GAS2: variants seen among roughly 807,000 people sequenced by gnomAD.
GAS2 encodes the protein growth arrest-specific protein 2.
In GAS2, 20 loss-of-function variants were observed where a neutral mutation model predicts 37.5. The observed-to-expected ratio is 0.53, with a 90% CI of 0.37 to 0.77. The LOEUF (loss-of-function observed/expected upper bound fraction) is 0.77, where lower values mean the gene tolerates loss of function less well. GAS2 is among the 30% of genes least tolerant of loss of function. The pLI is 0.00. For synonymous variants in GAS2, 144 were observed against 132.2 expected (o/e 1.09, Z -0.61); for missense variants, 336 against 373.4 (o/e 0.90, Z 0.82).
At chr11:22,727,524 C>T (rs183546564) in intron 4 of GAS2, among the ~76,000 whole-genome samples, 38 of 151,886 alleles carry the variant, frequency 2.5e-4, no homozygotes, top group African/African-American at 8.0e-4. Flanking sequence ...GAGGAGTTGG[C>T]GTGATATGGC....
In GAS2 at chr11:22,763,556, C is replaced by T. The variant is rs1359415045; in HGVS notation, c.723+7603C>T. ...CCTCCATTTATCCTTAGTGGAAATG[C>T]TGCAGAAGCAGCCATTACTCAGCAG... On this transcript the variant is annotated intron_variant, in intron 7 of 7. Coordinates refer to ENST00000454584, the MANE Select transcript of GAS2 (RefSeq NM_001143830.3). 2.0e-5 allele frequency among the ~76,000 whole-genome samples: 3 copies of T among 151,426 alleles called. No individual in the cohort carries two copies. In the East Asian group the frequency reaches 5.8e-4, roughly 29 times the overall value.
rs571356964 is a variant in GAS2 at position 22,695,130 on chromosome 11, G to A, written c.267+9341G>A. On this transcript the variant is annotated intron_variant, in intron 3 of 7. Transcript: ENST00000454584. ...AGGTCAGGAGTTTGAGACCAGCCTGGCCAACATGGTAAAACGCTGTCTCTA... is the reference window on the plus strand; with the variant it reads ...AGGTCAGGAGTTTGAGACCAGCCTGACCAACATGGTAAAACGCTGTCTCTA... 3.9e-5 allele frequency among the ~76,000 whole-genome samples: 6 copies of A among 152,072 alleles called. No homozygotes were observed. In the South Asian group the frequency reaches 6.2e-4, roughly 16 times the overall value.
intron 1 of GAS2, among the ~76,000 whole-genome samples, chr11:22,646,184 T>C (rs561474940): frequency 6.6e-6 from 1 of 152,266 alleles, no homozygotes; most frequent in South Asian, 2.1e-4. Flanking sequence ...CAGGAGAATA[T>C]CATGTAATAT....
chr11:22,764,453 C>T (rs1422730950), intron 7 of GAS2, among the ~76,000 whole-genome samples: 6 of 150,142 alleles, frequency 4.0e-5, no homozygotes, highest in Non-Finnish European at 7.4e-5. Flanking sequence ...CCCGCTACTC[C>T]GGAGGCTGAG....
chr11:22,637,569 T>G lies in GAS2; in HGVS notation c.-21+11756T>G, dbSNP rs1468922724. Among the ~76,000 whole-genome samples, 3 of 30,218 alleles carry G rather than the reference T, an allele frequency of 9.9e-5. 1 individual carries two copies. Among genetic ancestry groups the G allele is most frequent in the Non-Finnish European group, 1.8e-4 (3 of 17,020 alleles). 19.8% of individuals were successfully genotyped at this position (30,218 alleles called of 152,430 possible). On this transcript the variant is annotated intron_variant, in intron 1 of 5. Transcript: ENST00000528582. ...AATATTAATTATATTAATAGTATAC[T>G]TAATATAATATTAATTATATTAATA...
Position 22,657,079 on chromosome 11 carries a change from G to A in GAS2, c.-20-17771G>A, listed in dbSNP as rs57313441. Among the ~76,000 whole-genome samples the A allele has an allele frequency of 5.6e-3, 857 of 152,266 alleles. 7 individuals carry two copies. The highest frequency in any genetic ancestry group is 0.019 in the African/African-American group (779 of 41,544). On this transcript the variant is annotated intron_variant, in intron 1 of 5. Coordinates refer to the GAS2 transcript ENST00000528582. ...TATTCAAATAAGAGGAGGAATTCTG[G>A]AAGTGTGAATAAGATGAAGAAAGCT...
chr11:22,682,410 T>G (rs985388577), intron 2 of GAS2, among the ~76,000 whole-genome samples: 1 of 152,084 alleles, frequency 6.6e-6, no homozygotes, highest in Non-Finnish European at 1.5e-5. Flanking sequence ...TAAGAATACA[T>G]AAAGATCTAT....
chr11:22,656,702 G>T (rs947622728), intron 1 of GAS2, among the ~76,000 whole-genome samples: 2 of 152,112 alleles, frequency 1.3e-5, no homozygotes, highest in African/African-American at 4.8e-5. Context: ...GCTAAGAGTG[G>T]AAATAGTCAA....
intron 7 of GAS2, among the ~76,000 whole-genome samples, chr11:22,801,565 G>A (rs1210442883): frequency 6.6e-6 from 1 of 151,892 alleles, no homozygotes; most frequent in African/African-American, 2.4e-5. Context: ...ATAAATCACT[G>A]CTGTATCAAT....
At chr11:22,637,671 T>C (rs958560984) in intron 1 of GAS2, among the ~76,000 whole-genome samples, 7 of 138,348 alleles carry the variant, frequency 5.1e-5, no homozygotes, top group African/African-American at 1.9e-4. Context: ...ATAAAATAAA[T>C]ATTTATATTA....
intron 7 of GAS2, among the ~76,000 whole-genome samples, chr11:22,784,360 A>G (rs1271506310): frequency 1.3e-5 from 2 of 152,158 alleles, no homozygotes; most frequent in African/African-American, 2.4e-5. Flanking sequence ...TGATGATAGT[A>G]AGTTACTAGT....
intron 1 of GAS2, among the ~76,000 whole-genome samples, chr11:22,631,409 C>T (rs902030346): frequency 1.3e-5 from 2 of 151,984 alleles, no homozygotes; most frequent in African/African-American, 4.8e-5. Flanking sequence ...ATCTTTGTCT[C>T]GTTCCAATTC....
At chr11:22,708,365 C>A (rs1851229999) in intron 3 of GAS2, among the ~76,000 whole-genome samples, 3 of 152,074 alleles carry the variant, frequency 2.0e-5, no homozygotes, top group Admixed American at 1.3e-4. Context: ...TTTAAATGTC[C>A]TTTTCTTCAG....
At chr11:22,660,600 T>G (rs1848904571) in intron 1 of GAS2, among the ~76,000 whole-genome samples, 1 of 152,180 alleles carries the variant, frequency 6.6e-6, no homozygotes, top group East Asian at 1.9e-4. Flanking sequence ...AAGCTGGAAG[T>G]GGACCCTGCC....
chr11:22,739,577 A>G (rs1403547159), intron 5 of GAS2, among the ~76,000 whole-genome samples: 1 of 135,028 alleles, frequency 7.4e-6, no homozygotes, highest in African/African-American at 3.4e-5. Flanking sequence ...GCTCTCAAAA[A>G]AAAAAAAAAA....
chr11:22,655,028 A>G (rs1294432711), intron 1 of GAS2, among the ~76,000 whole-genome samples: 1 of 152,172 alleles, frequency 6.6e-6, no homozygotes, highest in Non-Finnish European at 1.5e-5. Flanking sequence ...ACGTCTTAAA[A>G]TGTTGTTCAA....
At chr11:22,763,960 C>T (rs1254130852) in intron 7 of GAS2, among the ~76,000 whole-genome samples, 1 of 152,154 alleles carries the variant, frequency 6.6e-6, no homozygotes, top group African/African-American at 2.4e-5. Flanking sequence ...GTTTTTGCTT[C>T]ACTAAAGACA....
chr11:22,747,992 G>A (rs1258807420), intron 5 of GAS2, among the ~76,000 whole-genome samples: 1 of 151,808 alleles, frequency 6.6e-6, no homozygotes, highest in African/African-American at 2.4e-5. Context: ...ATTACTTAAG[G>A]TTAAATCTAA....
chr11:22,642,054 G>A (rs1196798132), intron 1 of GAS2, among the ~76,000 whole-genome samples: 1 of 152,176 alleles, frequency 6.6e-6, no homozygotes, highest in African/African-American at 2.4e-5. Context: ...CCTTGCTAAG[G>A]GAGAGAGTGT....
Sources: gnomAD v4.1 joint callset for allele counts (sites outside exome capture counted in the v4.1 genomes callset) on GRCh38, gnomAD v4.1.1 for gene constraint, MANE v1.5 for transcripts, NCBI Gene and HGNC (gene_info 2026-07-23, HGNC 2026-07-21) for gene names.